Variants in CSRNP3 observed in about 807,000 individuals in gnomAD.
CSRNP3 encodes cysteine and serine rich nuclear protein 3, also known as cysteine/serine-rich nuclear protein 3.
Under a neutral mutation model 48.0 loss-of-function variants are expected in CSRNP3, and 12 were observed. That is an observed-to-expected ratio of 0.25 (90% confidence interval 0.16 to 0.41). The LOEUF is 0.41. Ranked by LOEUF, CSRNP3 falls within the 10% of genes least tolerant of loss-of-function variation. The pLI, the probability that CSRNP3 is intolerant of heterozygous loss-of-function variation, is 1.00. For missense variants in CSRNP3, 580 were observed against 724.4 expected (o/e 0.80, Z 2.29); for synonymous variants, 263 against 269.7 (o/e 0.98, Z 0.24).
intron 4 of CSRNP3, among the ~76,000 whole-genome samples, chr2:165,607,490 C>G (rs570728099): frequency 6.6e-6 from 1 of 152,260 alleles, no homozygotes; most frequent in South Asian, 2.1e-4. Flanking sequence ...GTGTTCAGCT[C>G]CAGTCCCCAC....
At chr2:165,532,948 T>C (rs1027255234) in intron 3 of CSRNP3, among the ~76,000 whole-genome samples, 4 of 152,050 alleles carry the variant, frequency 2.6e-5, no homozygotes, top group African/African-American at 9.7e-5. Context: ...CATGAGTGAA[T>C]TCCCATTCAC....
At chr2:165,655,291 C>T (rs144343166) in intron 4 of CSRNP3, among the ~76,000 whole-genome samples, 14 of 152,204 alleles carry the variant, frequency 9.2e-5, no homozygotes, top group South Asian at 4.1e-4. Context: ...AATATGGTAG[C>T]GAAAAGACTG....
intron 4 of CSRNP3, among the ~76,000 whole-genome samples, chr2:165,597,188 T>C (rs1051648455): frequency 6.6e-6 from 1 of 152,184 alleles, no homozygotes; most frequent in Non-Finnish European, 1.5e-5. Flanking sequence ...TGTTTCTGGA[T>C]ATAAAGGTCT....
At chr2:165,575,115 A>G (rs567721558) in intron 3 of CSRNP3, among the ~76,000 whole-genome samples, 1 of 152,272 alleles carries the variant, frequency 6.6e-6, no homozygotes, top group African/African-American at 2.4e-5. Flanking sequence ...TTAAGTCTGC[A>G]TTGTAAAGGG....
At chr2:165,576,306 A>G (rs957789301) in intron 3 of CSRNP3, among the ~76,000 whole-genome samples, 2 of 151,996 alleles carry the variant, frequency 1.3e-5, no homozygotes, top group South Asian at 2.1e-4. Context: ...GTTTAATTTT[A>G]TATTTAATTC....
chr2:165,564,374 A>G (rs1685272496), intron 3 of CSRNP3, among the ~76,000 whole-genome samples: 1 of 152,100 alleles, frequency 6.6e-6, no homozygotes, highest in Non-Finnish European at 1.5e-5. Flanking sequence ...CATCACAATA[A>G]TAATTCTAAT....
At position 165,687,938 on chromosome 2, in the gene CSRNP3, G is replaced by A. The variant is rs1190256331; in HGVS notation, c.*8185G>A. ...CTCCATGGGATTTTTTTCAATCTTG[G>A]TACAGCTGCATATCTCCCAAACTCG... On this transcript the variant is annotated 3_prime_UTR_variant, in exon 7 of 7. Coordinates refer to ENST00000651982, the MANE Select transcript of CSRNP3 (RefSeq NM_001172173.2). 2.0e-5 allele frequency: 3 copies of A among 151,200 alleles called. No individual in the cohort carries two copies. The highest frequency in any genetic ancestry group is 4.2e-4 in the South Asian group (2 of 4,774). The allele number at this position is 151,200 out of a possible 1,614,324, so 9.4% of individuals were successfully genotyped here.
At position 165,679,716 on chromosome 2, in the gene CSRNP3, G is replaced by A; in HGVS notation, c.1721G>A (p.Cys574Tyr). ...LAEKSILHEE[C>Y]IKSPVVETVP... ...GAAAAGAGCATATTGCATGAAGAGTGCATCAAATCACCCGTGGTTGAGACA... is the reference window on the plus strand; with the variant it reads ...GAAAAGAGCATATTGCATGAAGAGTACATCAAATCACCCGTGGTTGAGACA... Residue 574 changes from cysteine to tyrosine, a missense_variant, in exon 7 of 7, where the codon TGC becomes TAC. By Grantham distance (194) the Cys-to-Tyr change is radical. This residue lies in a region of CSRNP3 where 369 missense variants were observed against 380.8 expected (regional missense o/e 0.97). Transcript: ENST00000651982. 6.2e-7 allele frequency: 1 copy of A among 1,613,894 alleles called. No individual in the cohort carries two copies. The highest frequency in any genetic ancestry group is 8.5e-7 in the Non-Finnish European group (1 of 1,179,896).
chr2:165,579,780 C>A (rs1685510543), intron 3 of CSRNP3, among the ~76,000 whole-genome samples: 1 of 151,944 alleles, frequency 6.6e-6, no homozygotes, highest in South Asian at 2.1e-4. Context: ...TTAGTCGCAA[C>A]GTTTTCCAAA....
Position 165,682,262 on chromosome 2 carries a change from T to A in CSRNP3, c.*2509T>A, listed in dbSNP as rs953098925. 2 of 151,980 alleles carry A rather than the reference T, an allele frequency of 1.3e-5. No homozygotes were observed. Among genetic ancestry groups the A allele is most frequent in the Non-Finnish European group, 2.9e-5 (2 of 67,982 alleles). 9.4% of individuals were successfully genotyped at this position (151,980 alleles called of 1,614,324 possible). A position where few individuals can be genotyped will look rare whatever the true frequency, so the allele number is the denominator to read the frequency against. ...CAAAAGGATGCTTAAGAAAACAGAG[T>A]TTTTTTCCCCTATCCATTTATCTAG... On this transcript the variant is annotated 3_prime_UTR_variant, in exon 7 of 7. Transcript: ENST00000651982.
intron 3 of CSRNP3, among the ~76,000 whole-genome samples, chr2:165,584,099 A>C (rs921894528): frequency 6.6e-6 from 1 of 152,170 alleles, no homozygotes; most frequent in African/African-American, 2.4e-5. Context: ...AATTTTCTTA[A>C]TTACTATGTT....
At chr2:165,587,793 C>T (rs545855364) in intron 3 of CSRNP3, among the ~76,000 whole-genome samples, 1 of 152,244 alleles carries the variant, frequency 6.6e-6, no homozygotes, top group South Asian at 2.1e-4. Flanking sequence ...GCTTTGGGCT[C>T]AGTTTCATTT....
intron 3 of CSRNP3, among the ~76,000 whole-genome samples, chr2:165,552,399 A>G (rs1254399032): frequency 6.6e-6 from 1 of 152,208 alleles, no homozygotes; most frequent in Non-Finnish European, 1.5e-5. Flanking sequence ...TCCTCAGACA[A>G]TCAGTATAGG....
intron 4 of CSRNP3, among the ~76,000 whole-genome samples, chr2:165,622,769 T>C (rs1686362231): frequency 6.6e-6 from 1 of 152,194 alleles, no homozygotes; most frequent in East Asian, 1.9e-4. Flanking sequence ...TAGTCAGAAG[T>C]AAGTCACAGG....
intron 2 of CSRNP3, among the ~76,000 whole-genome samples, chr2:165,515,053 CTCACGCCTGTAA>C (rs1235004452): frequency 6.6e-6 from 1 of 152,184 alleles, no homozygotes; most frequent in Non-Finnish European, 1.5e-5. Context: ...AGCGCTGTGG[CTCACGCCTGTAA>C]TCCCAGCGCT....
At chr2:165,502,759 G>C (rs1283895713) in intron 2 of CSRNP3, among the ~76,000 whole-genome samples, 1 of 149,048 alleles carries the variant, frequency 6.7e-6, no homozygotes, top group Admixed American at 6.7e-5. Flanking sequence ...CTCTTCCCCT[G>C]TCTCTCTCTC....
At chr2:165,603,090 C>T (rs1573911221) in intron 4 of CSRNP3, among the ~76,000 whole-genome samples, 3 of 151,936 alleles carry the variant, frequency 2.0e-5, no homozygotes, top group African/African-American at 7.2e-5. Flanking sequence ...AGAGACGGGG[C>T]TTCACCGTGT....
intron 1 of CSRNP3, among the ~76,000 whole-genome samples, chr2:165,491,857 G>A (rs1198522289): frequency 5.9e-5 from 8 of 134,944 alleles, no homozygotes; most frequent in Non-Finnish European, 9.5e-5. Flanking sequence ...GCTAGATGAC[G>A]AGTTAGTGGG....
chr2:165,676,642 A>ATGTCTT, intron 6 of CSRNP3, 34 bp downstream of exon 6: 2 of 1,590,490 alleles, frequency 1.3e-6, no homozygotes, highest in Non-Finnish European at 1.7e-6. Context: ...TCCAAAGACA[A>ATGTCTT]GACATTGTCT....
Sources: allele counts gnomAD v4.1 joint callset (sites outside exome capture counted in the v4.1 genomes callset), GRCh38; gene constraint gnomAD v4.1.1; regional missense constraint gnomAD v4.1.1; transcripts MANE v1.5; gene names NCBI Gene and HGNC (gene_info 2026-07-23, HGNC 2026-07-21).